Variants in QKI observed in about 807,000 individuals in gnomAD.
QKI encodes the protein KH domain-containing RNA-binding protein QKI.
Under a neutral mutation model 39.0 loss-of-function variants are expected in QKI, and 10 were observed. That is an observed-to-expected ratio of 0.26 (90% confidence interval 0.16 to 0.43). The LOEUF (loss-of-function observed/expected upper bound fraction) is 0.43, where lower values mean the gene tolerates loss of function less well. Ranked by LOEUF, QKI falls within the 20% of genes least tolerant of loss-of-function variation. The pLI is 1.00. For missense variants in QKI, 218 were observed against 428.0 expected, an observed-to-expected ratio of 0.51 and a Z score of 4.33; for synonymous variants, 204 against 155.4, an observed-to-expected ratio of 1.31 and a Z score of -2.33.
intron 4 of QKI, among the ~76,000 whole-genome samples, chr6:163,542,705 T>C (rs1460083958): frequency 6.6e-6 from 1 of 152,040 alleles, no homozygotes; most frequent in African/African-American, 2.4e-5. Flanking sequence ...TAAAATTGTG[T>C]GTTTGTTTTC....
chr6:163,459,569 C>T (rs779138669), intron 2 of QKI, among the ~76,000 whole-genome samples: 2 of 152,026 alleles, frequency 1.3e-5, no homozygotes, highest in African/African-American at 2.4e-5. Context: ...AAATATTTGC[C>T]GAAAAATAAT....
chr6:163,496,813 T>G (rs1778444319), intron 3 of QKI, among the ~76,000 whole-genome samples: 2 of 152,204 alleles, frequency 1.3e-5, no homozygotes, highest in South Asian at 4.1e-4. Context: ...CAGATCCTGT[T>G]GAATCTCACT....
chr6:163,434,077 T>C (rs1330730494), intron 1 of QKI, among the ~76,000 whole-genome samples: 2 of 152,176 alleles, frequency 1.3e-5, no homozygotes, highest in African/African-American at 4.8e-5. Context: ...CAACAAACTT[T>C]TTTTTTTAAT....
At chr6:163,551,206 G>A (rs1235844985) in intron 4 of QKI, among the ~76,000 whole-genome samples, 1 of 152,086 alleles carries the variant, frequency 6.6e-6, no homozygotes, top group Non-Finnish European at 1.5e-5. Flanking sequence ...AATTTGTAGG[G>A]ATTCCTCCTC....
At chr6:163,456,440 G>A (rs1284046473) in intron 2 of QKI, among the ~76,000 whole-genome samples, 1 of 152,042 alleles carries the variant, frequency 6.6e-6, no homozygotes, top group East Asian at 1.9e-4. Context: ...AAAAGATGAT[G>A]GCTTTTTGCT....
At chr6:163,558,418 T>C (rs76629037) in intron 4 of QKI, among the ~76,000 whole-genome samples, 1 of 151,262 alleles carries the variant, frequency 6.6e-6, no homozygotes, top group Non-Finnish European at 1.5e-5. Context: ...TTTTTTTTTT[T>C]TGAGACAGTC....
intron 1 of QKI, among the ~76,000 whole-genome samples, chr6:163,435,936 A>AT (rs1789236997): frequency 6.6e-6 from 1 of 152,138 alleles, no homozygotes; most frequent in South Asian, 2.1e-4. Flanking sequence ...GGTTTTTGTC[A>AT]TTTTTTACTC....
intron 3 of QKI, among the ~76,000 whole-genome samples, chr6:163,524,287 T>C (rs1340943440): frequency 6.6e-6 from 1 of 152,190 alleles, no homozygotes; most frequent in Non-Finnish European, 1.5e-5. Flanking sequence ...AATAATTTTA[T>C]TTTCATGTAA....
chr6:163,483,820 A>C (rs903759037), intron 3 of QKI, among the ~76,000 whole-genome samples: 1 of 152,244 alleles, frequency 6.6e-6, no homozygotes, highest in African/African-American at 2.4e-5. Context: ...TGGCATTGAG[A>C]ATGGTGATTC....
intron 3 of QKI, 34 bp from the exon 4 acceptor site, chr6:163,534,948 A>G (rs1475707572): frequency 1.3e-6 from 2 of 1,524,808 alleles, no homozygotes; most frequent in Non-Finnish European, 8.9e-7. Context: ...TTTAAAGAGA[A>G]TAATTTTAAT....
intron 2 of QKI, among the ~76,000 whole-genome samples, chr6:163,477,020 GT>G (rs113406306): frequency 2.0e-3 from 107 of 54,094 alleles, no homozygotes; most frequent in African/African-American, 7.7e-3. Context: ...GTTTTGTTTT[GT>G]TTTTTTTTTT....
At chr6:163,458,400 T>C (rs1791093846) in intron 2 of QKI, among the ~76,000 whole-genome samples, 1 of 152,224 alleles carries the variant, frequency 6.6e-6, no homozygotes, top group Non-Finnish European at 1.5e-5. Context: ...GGCAGGAATC[T>C]TTTTGTCTTT....
At chr6:163,564,821 T>G (rs1783254036) in intron 6 of QKI, 4 of 1,586,416 alleles carry the variant, frequency 2.5e-6, no homozygotes, top group Non-Finnish European at 2.6e-6. Flanking sequence ...TTTGAATACT[T>G]TTTTTCCTGA....
At chr6:163,446,239 A>G (rs934937014) in intron 1 of QKI, among the ~76,000 whole-genome samples, 2 of 152,182 alleles carry the variant, frequency 1.3e-5, no homozygotes, top group African/African-American at 4.8e-5. Flanking sequence ...CTATCACTAT[A>G]TAAGTAAAAA....
intron 4 of QKI, among the ~76,000 whole-genome samples, chr6:163,541,621 G>T (rs933923862): frequency 2.0e-5 from 3 of 151,516 alleles, no homozygotes; most frequent in Non-Finnish European, 2.9e-5. Context: ...AAGGGCAAAA[G>T]AATTTGGTGT....
chr6:163,484,199 C>CT (rs770147012), intron 3 of QKI, among the ~76,000 whole-genome samples: 2,101 of 141,114 alleles, frequency 0.015, 70 homozygotes, highest in East Asian at 0.13. Flanking sequence ...GTACATTAGC[C>CT]TTTTTTTTTT....
At chr6:163,567,992 C>T (rs887071837) in intron 7 of QKI, 4 of 985,210 alleles carry the variant, frequency 4.1e-6, no homozygotes, top group South Asian at 4.7e-5. Flanking sequence ...CCATAAAGAA[C>T]GTTGAAGACT....
chr6:163,506,698 C>G (rs941856383), intron 3 of QKI, among the ~76,000 whole-genome samples: 1 of 152,136 alleles, frequency 6.6e-6, no homozygotes, highest in Non-Finnish European at 1.5e-5. Context: ...CTTATCTTAA[C>G]CACTATAATG....
At position 163,565,395 on chromosome 6, in the gene QKI, C is replaced by T. The variant is rs898951720; in HGVS notation, c.935-1326C>T. 2.9e-5 allele frequency: 29 copies of T among 985,844 alleles called. No homozygotes were observed. The African/African-American group carries it at 4.9e-4, about 17-fold the overall frequency. The allele number at this position is 985,844 out of a possible 1,614,324, so 61.1% of individuals were successfully genotyped here. On this transcript the variant is annotated intron_variant, in intron 6 of 7. Transcript: ENST00000361752. ...TTCCAGCACTTTCAGCGCAAGATCT[C>T]CCTGATTTTGCCACGTGGAATTGTA...
Sources: allele counts gnomAD v4.1 joint callset (sites outside exome capture counted in the v4.1 genomes callset), GRCh38; gene constraint gnomAD v4.1.1; transcripts MANE v1.5; gene names NCBI Gene and HGNC (gene_info 2026-07-23, HGNC 2026-07-21).